The following MYO10 variants were observed in gnomAD, a reference collection of about 807,000 sequenced individuals.
MYO10 encodes myosin X, also known as unconventional myosin-X.
A neutral mutation model predicts 257.3 loss-of-function variants in MYO10; 133 were observed. That is an observed-to-expected ratio of 0.52 (90% CI 0.45 to 0.60). The LOEUF is 0.60. MYO10 is among the 20% of genes least tolerant of loss of function. The probability of loss-of-function intolerance (pLI) is 0.00; values close to 1 mark genes in which losing one functional copy is unlikely to be tolerated. For missense variants in MYO10, 2,399 were observed against 2,635.7 expected, an observed-to-expected ratio of 0.91 and a Z score of 1.97; for synonymous variants, 1,104 against 1,028.6, an observed-to-expected ratio of 1.07 and a Z score of -1.40.
chr5:16,738,011 T>C (rs1739874061), intron 19 of MYO10: 5 of 708,018 alleles, frequency 7.1e-6, no homozygotes, highest in Admixed American at 6.3e-5. Context: ...TGAAGCAGAG[T>C]AGCACGGAAC....
In MYO10 at chr5:16,711,230, C is replaced by A; in HGVS notation, c.1945G>T (p.Asp649Tyr). The A allele has an allele frequency of 1.2e-6, 2 of 1,609,904 alleles. No individual in the cohort carries two copies. Among genetic ancestry groups the A allele is most frequent in the South Asian group, 2.2e-5 (2 of 90,540 alleles). Residue 649 changes from aspartate to tyrosine, a missense_variant, in exon 20 of 41, where the codon GAC becomes TAC. Transcript: ENST00000513610. ...AGCTGGTTCAGCACAACCGCCTGGT[C>A]AAACTGGTCTGGCATCTAAACCATG... ...PNMQKMPDQF[D>Y]QAVVLNQLRY...
intron 12 of MYO10, 148 bp downstream of exon 12, chr5:16,764,102 A>G: frequency 1.1e-6 from 1 of 874,224 alleles, no homozygotes; most frequent in South Asian, 1.7e-5. Flanking sequence ...AGCTGTGATC[A>G]CGCCACTGCA....
chr5:16,935,824 C>CCGGACTCGCCGAGTGCCGCT lies in MYO10; in HGVS notation c.-36_-17dup, dbSNP rs1404482285. 5.6e-6 allele frequency: 9 copies of CCGGACTCGCCGAGTGCCGCT among 1,612,766 alleles called. No homozygotes were observed. The highest frequency in any genetic ancestry group is 1.7e-5 in the Admixed American group (1 of 59,978). On this transcript the variant is annotated 5_prime_UTR_variant, in exon 1 of 41. Coordinates refer to ENST00000513610, the MANE Select transcript of MYO10 (RefSeq NM_012334.3). ...AGTTATCCATTGTTCCAGCGCAGTC[C>CCGGACTCGCCGAGTGCCGCT]CGGACTCGCCGAGTGCCGCTCCGAC...
At chr5:16,821,586 C>A (rs1303458748) in intron 2 of MYO10, among the ~76,000 whole-genome samples, 1 of 150,750 alleles carries the variant, frequency 6.6e-6, no homozygotes, top group Non-Finnish European at 1.5e-5. Flanking sequence ...CCTGCATCAG[C>A]CTCCCGAGTA....
intron 2 of MYO10, among the ~76,000 whole-genome samples, chr5:16,831,572 C>G (rs1188743091): frequency 6.7e-6 from 1 of 150,122 alleles, no homozygotes; most frequent in Non-Finnish European, 1.5e-5. Context: ...GTATTCACAG[C>G]AACCTGGATG....
In MYO10 at chr5:16,763,714, C is replaced by A; in HGVS notation, c.1368G>T (p.Glu456Asp). ...FEQFNINYAN[E>D]KLQEYFNKHI... The stretch of plus-strand genomic sequence containing the variant: ...GCTTGTTGAAGTACTCCTGAAGTTT[C>A]TCGTTTGCATAGTTTATATTGAACT... The change falls in exon 13 of 41, where the codon GAG becomes GAT. Residue 456 changes from glutamate (E) to aspartate (D), a missense_variant. Physicochemically the swap from Glu to Asp is conservative, Grantham distance 45. This residue lies in a region of MYO10 where 337 missense variants were observed against 446.8 expected (regional missense o/e 0.75). Coordinates refer to ENST00000513610, the MANE Select transcript of MYO10 (RefSeq NM_012334.3). 6.2e-7 allele frequency: 1 copy of A among 1,609,688 alleles called. No individual in the cohort carries two copies. Among genetic ancestry groups the A allele is most frequent in the South Asian group, 1.1e-5 (1 of 90,752 alleles).
At position 16,877,616 on chromosome 5, in the gene MYO10, T is replaced by C. The variant is rs761789069; in HGVS notation, c.113A>G (p.Tyr38Cys). The change falls in exon 2 of 41, where the codon TAT (tyrosine) becomes TGT (cysteine). Residue 38 changes from tyrosine to cysteine, a missense_variant. Tyr to Cys is a radical substitution (Grantham distance 194). Transcript: ENST00000513610. The part of the protein sequence containing the change: ...AEGIVVFRTD[Y>C]GQVFTYKQST... The stretch of plus-strand genomic sequence containing the variant: ...GCAGGGACTTGTTCTCACCTGACCA[T>C]AGTCTGTCCGGAAGACGACGATGCC... 33 of 1,612,380 alleles carry C rather than the reference T, an allele frequency of 2.0e-5. No individual in the cohort carries two copies. Among genetic ancestry groups the C allele is most frequent in the Admixed American group, 6.7e-5 (4 of 59,976 alleles).
At chr5:16,925,074 G>A (rs185038613) in intron 1 of MYO10, among the ~76,000 whole-genome samples, 1,575 of 151,882 alleles carry the variant, frequency 0.01, 19 homozygotes, top group South Asian at 0.019. Context: ...CTCGTGATCC[G>A]CCTGCCTCGG....
At chr5:16,700,822 G>A (rs984466560) in intron 25 of MYO10, 141 bp downstream of exon 25, 17 of 1,089,644 alleles carry the variant, frequency 1.6e-5, no homozygotes, top group Non-Finnish European at 2.0e-5. Context: ...ATAAGCAAAA[G>A]GTTTAAGATG....
chr5:16,834,941 C>T (rs566639676), intron 2 of MYO10, among the ~76,000 whole-genome samples: 97 of 152,212 alleles, frequency 6.4e-4, no homozygotes, highest in African/African-American at 1.9e-3. Context: ...TTTGGGAGGC[C>T]GAGGCAGGCG....
In MYO10 at chr5:16,935,788, C is replaced by A. The variant is rs766112103; in HGVS notation, c.21G>T (p.Glu7Asp). Residue 7 changes from glutamate to aspartate, a missense_variant and splice_region_variant, in exon 1 of 41, where the codon GAG (glutamate) becomes GAT (aspartate). Transcript: ENST00000513610. ...CAGGTCGGACTGGGAGCGCACTTAC[C>A]TCGGTGAAGAAGTTATCCATTGTTC... MDNFFTEGTRVWLRENG... is the reference protein window; with the variant it reads MDNFFTDGTRVWLRENG... 2 of 1,613,448 alleles carry A rather than the reference C, an allele frequency of 1.2e-6. No homozygotes were observed. The highest frequency in any genetic ancestry group is 1.3e-5 in the African/African-American group (1 of 75,040).
At chr5:16,722,949 T>G (rs1739207712) in intron 19 of MYO10, among the ~76,000 whole-genome samples, 1 of 152,034 alleles carries the variant, frequency 6.6e-6, no homozygotes, top group South Asian at 2.1e-4. Context: ...TATCAAAAAT[T>G]TACAAAGAAC....
At chr5:16,672,633 C>A (rs1736522559) in intron 37 of MYO10, 56 bp downstream of exon 37, 1 of 1,603,674 alleles carries the variant, frequency 6.2e-7, no homozygotes, top group South Asian at 1.1e-5. Context: ...ACCCTGAACC[C>A]TGCTCTGCAA....
At chr5:16,766,807 T>C (rs1037394652) in intron 10 of MYO10, among the ~76,000 whole-genome samples, 3 of 144,120 alleles carry the variant, frequency 2.1e-5, no homozygotes, top group Non-Finnish European at 4.5e-5. Context: ...TCTCACTCTG[T>C]AGCCCAGGCT....
chr5:16,686,539 A>AT lies in MYO10; in HGVS notation c.3897-709dup, dbSNP rs774749843. On this transcript the variant is annotated intron_variant, in intron 28 of 40. Coordinates refer to ENST00000513610, the MANE Select transcript of MYO10 (RefSeq NM_012334.3). ...ATATTGGAATGGCCACTAGATGTCT[A>AT]TTTTTTTTTTTTATGAGATGGAATG... Among the ~76,000 whole-genome samples the AT allele has an allele frequency of 3.8e-3, 549 of 145,656 alleles. 2 individuals are homozygous for AT. The highest frequency in any genetic ancestry group is 0.011 in the African/African-American group (444 of 39,974).
chr5:16,934,264 G>T (rs1746373429), intron 1 of MYO10, among the ~76,000 whole-genome samples: 1 of 152,244 alleles, frequency 6.6e-6, no homozygotes, highest in Admixed American at 6.5e-5. Flanking sequence ...GGGGAGCCAC[G>T]GACCCCTGTG....
chr5:16,773,516 G>A (rs1448104151), intron 9 of MYO10, among the ~76,000 whole-genome samples: 3 of 151,878 alleles, frequency 2.0e-5, no homozygotes, highest in Admixed American at 6.6e-5. Flanking sequence ...TTAAAAATTC[G>A]CCTAGTGTGC....
chr5:16,733,965 G>A (rs1739688146), intron 19 of MYO10, among the ~76,000 whole-genome samples: 1 of 152,182 alleles, frequency 6.6e-6, no homozygotes, highest in African/African-American at 2.4e-5. Context: ...GCAGGAAAGG[G>A]TCCAATGTGT....
intron 2 of MYO10, among the ~76,000 whole-genome samples, chr5:16,856,864 CATG>C (rs1743974100): frequency 6.6e-6 from 1 of 152,192 alleles, no homozygotes; most frequent in South Asian, 2.1e-4. Context: ...CTGGTTCCTT[CATG>C]CCAGGTGGCA....
Sources: allele counts gnomAD v4.1 joint callset (sites outside exome capture counted in the v4.1 genomes callset), GRCh38; gene constraint gnomAD v4.1.1; regional missense constraint gnomAD v4.1.1; transcripts MANE v1.5; gene names NCBI Gene and HGNC (gene_info 2026-07-23, HGNC 2026-07-21).